Variants in TEX2 observed in about 807,000 individuals in gnomAD.
TEX2 encodes the protein testis-expressed protein 2.
Under a neutral mutation model 106.9 loss-of-function variants are expected in TEX2, and 53 were observed. The observed-to-expected ratio is 0.50, with a 90% CI of 0.40 to 0.62. TEX2 has a LOEUF of 0.62. TEX2 is among the 20% of genes least tolerant of loss of function. The pLI, the probability that TEX2 is intolerant of heterozygous loss-of-function variation, is 0.00. For synonymous variants in TEX2, 523 were observed against 534.8 expected (o/e 0.98, Z 0.30); for missense variants, 1,207 against 1,379.0 (o/e 0.88, Z 1.98).
chr17:64,210,433 A>T (rs560695472), intron 2 of TEX2, among the ~76,000 whole-genome samples: 1 of 152,212 alleles, frequency 6.6e-6, no homozygotes, highest in Non-Finnish European at 1.5e-5. Context: ...CAGAAATTTT[A>T]AAAACCCAAA....
At chr17:64,247,507 G>C (rs1464102761) in intron 1 of TEX2, among the ~76,000 whole-genome samples, 2 of 151,016 alleles carry the variant, frequency 1.3e-5, no homozygotes, top group African/African-American at 2.4e-5. Flanking sequence ...GGATTTGAGG[G>C]GAGTGGGGCT....
chr17:64,221,130 T>G lies in TEX2; in HGVS notation c.-25-6888A>C, dbSNP rs539294935. Among the ~76,000 whole-genome samples the G allele has an allele frequency of 1.3e-4, 20 of 152,256 alleles. No homozygotes were observed. The South Asian group carries it at 2.3e-3, about 17-fold the overall frequency. ...AAAACCAAACACTGCATGTTCTTAC[T>G]TATAAGTGGGACCTGAACAATGAGA... On this transcript the variant is annotated intron_variant, in intron 1 of 11. Transcript: ENST00000584379.
chr17:64,213,286 TC>T lies in TEX2; in HGVS notation c.931del (p.Glu311LysfsTer24). Reference protein sequence around the residue: ...PFQLLSKIIGEESGSHRPKAL... With the variant: ...PFQLLSKIIGXESGSHRPKAL... ...TTTGGGCCTATGGCTGCCACTTTCT[TC>T]CCCTATAATTTTACTAAGGAGCTGA... is the stretch of plus-strand genomic sequence containing the variant. On this transcript the variant is annotated frameshift_variant, in exon 2 of 12. Coordinates refer to ENST00000584379, the MANE Select transcript of TEX2 (RefSeq NM_001288732.2). LOFTEE classifies it high-confidence loss of function. The surrounding 1 kb of genome is among the most constrained non-coding windows in gnomAD (Gnocchi z 4.4). The T allele has an allele frequency of 2.5e-6, 4 of 1,614,114 alleles. No individual in the cohort carries two copies. Among genetic ancestry groups the T allele is most frequent in the Non-Finnish European group, 3.4e-6 (4 of 1,180,030 alleles).
At chr17:64,159,975 C>T (rs2030808981) in intron 8 of TEX2, among the ~76,000 whole-genome samples, 1 of 152,174 alleles carries the variant, frequency 6.6e-6, no homozygotes, top group South Asian at 2.1e-4. Context: ...GTCTAAGAGC[C>T]AGTATCTTAT....
intron 7 of TEX2, among the ~76,000 whole-genome samples, chr17:64,170,827 G>A (rs979954934): frequency 6.6e-6 from 1 of 152,004 alleles, no homozygotes. Flanking sequence ...TAGAGACGGT[G>A]TTTTGCCATG....
intron 9 of TEX2, 58 bp downstream of exon 9, chr17:64,154,784 C>A: frequency 6.8e-7 from 1 of 1,462,022 alleles, no homozygotes; most frequent in Non-Finnish European, 9.1e-7. Flanking sequence ...AGGTTCACTC[C>A]CAACTTGCTG....
At chr17:64,194,013 C>A in intron 3 of TEX2, 124 bp from the exon 4 acceptor site, 1 of 550,914 alleles carries the variant, frequency 1.8e-6, no homozygotes, top group Non-Finnish European at 2.8e-6. Context: ...TATGAAATAA[C>A]TTTCAACACT....
At chr17:64,250,735 G>A (rs1212580735) in intron 1 of TEX2, among the ~76,000 whole-genome samples, 1 of 152,106 alleles carries the variant, frequency 6.6e-6, no homozygotes, top group East Asian at 1.9e-4. Context: ...GGGCTAGAGT[G>A]CAGTGGCACC....
rs782162670 is a variant in TEX2 at position 64,212,729 on chromosome 17, C to T, written c.1489G>A (p.Gly497Arg). 1 of 1,614,172 alleles carries T rather than the reference C, an allele frequency of 6.2e-7. No individual in the cohort carries two copies. The highest frequency in any genetic ancestry group is 8.5e-7 in the Non-Finnish European group (1 of 1,180,040). ...LILPLPHYVS[G>R]LFLGIGLGFM... ...CCAAGGCCAATTCCCAGAAAGAGTCCACTCACATAGTGGGGGAGGGGGAGG... is the reference window on the plus strand; with the variant it reads ...CCAAGGCCAATTCCCAGAAAGAGTCTACTCACATAGTGGGGGAGGGGGAGG... Residue 497 changes from glycine to arginine, a missense_variant, in exon 2 of 12, where the codon GGA becomes AGA. Physicochemically the swap from Gly to Arg is moderately radical, Grantham distance 125. Transcript: ENST00000584379.
chr17:64,232,932 T>G (rs1460023067), intron 1 of TEX2, among the ~76,000 whole-genome samples: 2 of 152,186 alleles, frequency 1.3e-5, no homozygotes, highest in Non-Finnish European at 2.9e-5. Context: ...AGACAACTGA[T>G]CATCCCTAAT....
intron 1 of TEX2, among the ~76,000 whole-genome samples, chr17:64,227,852 G>C (rs2033549217): frequency 1.3e-5 from 2 of 152,328 alleles, no homozygotes; most frequent in African/African-American, 2.4e-5. Flanking sequence ...GCAAAGCACT[G>C]AGCATGATCC....
chr17:64,260,249 T>C (rs2034266303), intron 1 of TEX2, among the ~76,000 whole-genome samples: 1 of 152,226 alleles, frequency 6.6e-6, no homozygotes, highest in Admixed American at 6.5e-5. Flanking sequence ...ACTCTGAACA[T>C]GTCCACTCAA....
At chr17:64,258,631 T>C (rs1598237851) in intron 1 of TEX2, among the ~76,000 whole-genome samples, 1 of 152,242 alleles carries the variant, frequency 6.6e-6, no homozygotes, top group East Asian at 1.9e-4. Flanking sequence ...ACTTCAAAAG[T>C]CCTGAATACA....
intron 6 of TEX2, among the ~76,000 whole-genome samples, chr17:64,175,029 A>G (rs1330485902): frequency 2.0e-5 from 3 of 152,188 alleles, no homozygotes; most frequent in African/African-American, 2.4e-5. Flanking sequence ...GGGAAAGCTC[A>G]GGCTCCTCTA....
intron 1 of TEX2, among the ~76,000 whole-genome samples, chr17:64,222,867 C>T (rs1030195345): frequency 6.6e-6 from 1 of 152,116 alleles, no homozygotes. Context: ...GAGCCAAATG[C>T]CCTCTAAACC....
intron 2 of TEX2, among the ~76,000 whole-genome samples, chr17:64,202,238 C>G (rs2032692076): frequency 6.6e-6 from 1 of 152,130 alleles, no homozygotes; most frequent in Non-Finnish European, 1.5e-5. Context: ...ATCTAAGGCT[C>G]TTTCCAGAAC....
intron 2 of TEX2, among the ~76,000 whole-genome samples, chr17:64,198,038 A>C (rs2032535958): frequency 6.6e-6 from 1 of 152,116 alleles, no homozygotes. Context: ...CAAATATTTG[A>C]GAAATTTTCA....
intron 5 of TEX2, among the ~76,000 whole-genome samples, chr17:64,182,494 A>T (rs1199685303): frequency 1.3e-5 from 2 of 152,236 alleles, no homozygotes; most frequent in Admixed American, 6.5e-5. Flanking sequence ...AATAATTTTT[A>T]AAAATAGAGT....
chr17:64,233,701 T>C (rs1223670658), intron 1 of TEX2, among the ~76,000 whole-genome samples: 1 of 152,256 alleles, frequency 6.6e-6, no homozygotes, highest in Non-Finnish European at 1.5e-5. Context: ...AGTCTACACC[T>C]ACCTTGCAAG....
Sources: gnomAD v4.1 joint callset for allele counts (sites outside exome capture counted in the v4.1 genomes callset) on GRCh38, gnomAD v4.1.1 for gene constraint, Gnocchi (gnomAD v3.1) non-coding constraint, MANE v1.5 for transcripts, NCBI Gene and HGNC (gene_info 2026-07-23, HGNC 2026-07-21) for gene names.